CRACDL: variants seen among roughly 807,000 people sequenced by gnomAD.
CRACDL encodes the protein CRACD-like protein.
CRACDL carries 26 observed loss-of-function variants against 70.6 expected under a neutral mutation model. That is an observed-to-expected ratio of 0.37 (90% CI 0.27 to 0.51). CRACDL has a LOEUF of 0.51. CRACDL is among the 20% of genes least tolerant of loss of function. The pLI is 0.94. For synonymous variants in CRACDL, 618 were observed against 615.2 expected (o/e 1.00, Z -0.07); for missense variants, 1,283 against 1,376.9 (o/e 0.93, Z 1.08).
chr2:98,821,147 T>G (rs1482583387), intron 7 of CRACDL, among the ~76,000 whole-genome samples: 1 of 152,216 alleles, frequency 6.6e-6, no homozygotes, highest in Non-Finnish European at 1.5e-5. Context: ...TGCAAAATCC[T>G]GGTATTTATT....
intron 1 of CRACDL, among the ~76,000 whole-genome samples, chr2:98,865,019 G>A (rs1707079207): frequency 6.6e-6 from 1 of 152,194 alleles, no homozygotes; most frequent in African/African-American, 2.4e-5. Flanking sequence ...ATCTCATGGA[G>A]AAGACTGGAG....
intron 7 of CRACDL, among the ~76,000 whole-genome samples, chr2:98,801,081 A>G (rs1421986701): frequency 6.6e-6 from 1 of 152,086 alleles, no homozygotes; most frequent in Non-Finnish European, 1.5e-5. Flanking sequence ...TTATGACCAC[A>G]CCACCATTTC....
intron 9 of CRACDL, among the ~76,000 whole-genome samples, chr2:98,795,077 A>ATATATATTTTTTTTTTTTTTTT: frequency 1.7e-5 from 1 of 58,504 alleles, no homozygotes; most frequent in African/African-American, 6.6e-5. Flanking sequence ...ATATATATAT[A>ATATATATTTTTTTTTTTTTTTT]TTTTTTTTTT....
At chr2:98,925,904 T>G (rs866814571) in intron 1 of CRACDL, among the ~76,000 whole-genome samples, 2 of 151,944 alleles carry the variant, frequency 1.3e-5, no homozygotes, top group Admixed American at 6.6e-5. Flanking sequence ...CACACACACT[T>G]TATTAATTAT....
intron 1 of CRACDL, among the ~76,000 whole-genome samples, chr2:98,893,492 G>A (rs947571741): frequency 1.3e-5 from 2 of 152,124 alleles, no homozygotes; most frequent in Non-Finnish European, 2.9e-5. Context: ...CAACATGTTA[G>A]CCAGGATGGT....
chr2:98,860,400 A>G (rs1016397216), intron 1 of CRACDL, among the ~76,000 whole-genome samples: 1 of 152,240 alleles, frequency 6.6e-6, no homozygotes, highest in Non-Finnish European at 1.5e-5. Flanking sequence ...AACTTACTAC[A>G]AAGCTACAGT....
At chr2:98,856,087 T>G (rs1349788478) in intron 1 of CRACDL, among the ~76,000 whole-genome samples, 1 of 151,948 alleles carries the variant, frequency 6.6e-6, no homozygotes, top group African/African-American at 2.4e-5. Context: ...CTTTCTAAAT[T>G]TGAGGAAAAA....
chr2:98,932,888 A>C (rs1189135684), intron 1 of CRACDL, among the ~76,000 whole-genome samples: 1 of 152,204 alleles, frequency 6.6e-6, no homozygotes, highest in Non-Finnish European at 1.5e-5. Flanking sequence ...CCACAGGTAG[A>C]AAAATGCCTT....
rs142386357 is a variant in CRACDL at position 98,850,659 on chromosome 2, G to A, written c.-10-3849C>T. Reference sequence around the variant, plus strand: ...TTACTCTTTAAGCTAAATCTGGACCGCCAGGGCCTCTTCAGGGCTTCTAAT... The same window carrying A: ...TTACTCTTTAAGCTAAATCTGGACCACCAGGGCCTCTTCAGGGCTTCTAAT... On this transcript the variant is annotated intron_variant, in intron 1 of 9. Coordinates refer to ENST00000397899, the MANE Select transcript of CRACDL (RefSeq NM_207362.3). Among the ~76,000 whole-genome samples, 458 of 152,282 alleles carry A rather than the reference G, an allele frequency of 3.0e-3. 2 individuals carry two copies. Among genetic ancestry groups the A allele is most frequent in the African/African-American group, 0.01 (423 of 41,544 alleles).
At chr2:98,908,520 AC>A (rs1482242498) in intron 1 of CRACDL, 3 of 152,324 alleles carry the variant, frequency 2.0e-5, no homozygotes, top group African/African-American at 7.2e-5. Context: ...TAGCCTGTCG[AC>A]CCAACAGCTT....
At chr2:98,845,600 A>G (rs1706224480) in intron 2 of CRACDL, among the ~76,000 whole-genome samples, 1 of 152,206 alleles carries the variant, frequency 6.6e-6, no homozygotes, top group Non-Finnish European at 1.5e-5. Context: ...GTTGGTCTGA[A>G]TAACTTAAGA....
intron 1 of CRACDL, among the ~76,000 whole-genome samples, chr2:98,921,409 C>G (rs1708799641): frequency 6.6e-6 from 1 of 152,264 alleles, no homozygotes; most frequent in Non-Finnish European, 1.5e-5. Context: ...GAAACCAACA[C>G]TGGGCAGTGC....
At chr2:98,797,328 C>T in intron 8 of CRACDL, 22 bp downstream of exon 8, 1 of 1,612,268 alleles carries the variant, frequency 6.2e-7, no homozygotes, top group Non-Finnish European at 8.5e-7. Flanking sequence ...ACCCACAGAA[C>T]AGAAGTATTT....
Position 98,823,565 on chromosome 2 carries a change from G to A in CRACDL, c.736-28C>T, listed in dbSNP as rs763226774. The A allele has an allele frequency of 3.9e-6, 6 of 1,541,232 alleles. No homozygotes were observed. The South Asian group carries it at 7.1e-5, about 18-fold the overall frequency. On this transcript the variant is annotated intron_variant, in intron 6 of 9. Transcript: ENST00000397899. This position sits in a 1 kb window ranked among gnomAD's most constrained non-coding sequence, Gnocchi z 4.0. ...GAGAGAAATAAAGATAAAAAGCATC[G>A]TCGCTATAGCCAATTCCAGGAAGCC... is the stretch of plus-strand genomic sequence containing the variant.
At chr2:98,933,939 C>T (rs900576669) in intron 1 of CRACDL, among the ~76,000 whole-genome samples, 1 of 152,142 alleles carries the variant, frequency 6.6e-6, no homozygotes, top group Non-Finnish European at 1.5e-5. Flanking sequence ...GGTGGGGGCC[C>T]ATTCCTCATA....
intron 1 of CRACDL, among the ~76,000 whole-genome samples, chr2:98,919,192 A>T (rs1708739358): frequency 6.6e-6 from 1 of 152,094 alleles, no homozygotes; most frequent in South Asian, 2.1e-4. Flanking sequence ...AGGGGTGTCC[A>T]TTTTTATACC....
At chr2:98,831,563 A>G (rs1009971224) in intron 5 of CRACDL, among the ~76,000 whole-genome samples, 1 of 152,204 alleles carries the variant, frequency 6.6e-6, no homozygotes, top group East Asian at 1.9e-4. Flanking sequence ...CTCCAACTCT[A>G]TCCATCCTCC....
At chr2:98,876,500 C>T (rs1707492405) in intron 1 of CRACDL, among the ~76,000 whole-genome samples, 1 of 152,076 alleles carries the variant, frequency 6.6e-6, no homozygotes, top group African/African-American at 2.4e-5. Context: ...GAGTGCGAGC[C>T]CTATTGTGAA....
At chr2:98,908,582 C>T (rs557005230) in intron 1 of CRACDL, 12 of 152,436 alleles carry the variant, frequency 7.9e-5, no homozygotes, top group Non-Finnish European at 7.3e-5. Context: ...CAAAGCCAAA[C>T]TCACTCTATT....
Sources: gnomAD v4.1 joint callset for allele counts (sites outside exome capture counted in the v4.1 genomes callset) on GRCh38, gnomAD v4.1.1 for gene constraint, Gnocchi (gnomAD v3.1) non-coding constraint, MANE v1.5 for transcripts, NCBI Gene and HGNC (gene_info 2026-07-23, HGNC 2026-07-21) for gene names.